Variants in SND1 observed in about 807,000 individuals in gnomAD.
SND1 encodes the protein staphylococcal nuclease and tudor domain containing 1, also known as staphylococcal nuclease domain-containing protein 1.
Under a neutral mutation model 121.7 loss-of-function variants are expected in SND1, and 38 were observed. The ratio of observed to expected loss-of-function variants is 0.31; its 90% CI spans 0.24 to 0.41. The LOEUF is 0.41. Ranked by LOEUF, SND1 falls within the 10% of genes least tolerant of loss-of-function variation. The pLI is 1.00. For missense variants in SND1, 868 were observed against 1,184.6 expected, an observed-to-expected ratio of 0.73 and a Z score of 3.92; for synonymous variants, 401 against 447.4, an observed-to-expected ratio of 0.90 and a Z score of 1.31.
intron 10 of SND1, among the ~76,000 whole-genome samples, chr7:127,749,316 T>C (rs1175397799): frequency 1.3e-5 from 2 of 152,196 alleles, no homozygotes; most frequent in African/African-American, 4.8e-5. Context: ...GATATACTTC[T>C]AGCCTTACGA....
chr7:128,089,944 C>A (rs1793750067), intron 22 of SND1: 1 of 477,064 alleles, frequency 2.1e-6, no homozygotes, highest in South Asian at 2.2e-5. Flanking sequence ...CCCCATGTAC[C>A]CCCAGGTGAC....
At chr7:127,912,845 C>T (rs1458021343) in intron 14 of SND1, among the ~76,000 whole-genome samples, 1 of 152,056 alleles carries the variant, frequency 6.6e-6, no homozygotes, top group Non-Finnish European at 1.5e-5. Flanking sequence ...TCCTCTGTAC[C>T]TGGAAACATG....
intron 1 of SND1, among the ~76,000 whole-genome samples, chr7:127,673,854 A>ATT (rs537931149): frequency 1.0e-3 from 153 of 152,156 alleles, no homozygotes; most frequent in African/African-American, 3.5e-3. Flanking sequence ...TGTCCCCATT[A>ATT]TTTGAGTACT....
At chr7:127,912,946 C>T (rs1563056007) in intron 14 of SND1, among the ~76,000 whole-genome samples, 1 of 152,200 alleles carries the variant, frequency 6.6e-6, no homozygotes, top group Non-Finnish European at 1.5e-5. Context: ...GGTTCCAAGT[C>T]TGTACCTTAC....
At chr7:127,680,351 C>T (rs550960515) in intron 1 of SND1, among the ~76,000 whole-genome samples, 1 of 152,152 alleles carries the variant, frequency 6.6e-6, no homozygotes, top group South Asian at 2.1e-4. Context: ...ACTGGTCTGA[C>T]CAAAATTTAT....
chr7:128,031,344 G>A (rs2116988734), intron 16 of SND1, among the ~76,000 whole-genome samples: 1 of 151,934 alleles, frequency 6.6e-6, no homozygotes, highest in Admixed American at 6.5e-5. Flanking sequence ...GGGAGTGCGG[G>A]GGCGCCCCGA....
intron 11 of SND1, among the ~76,000 whole-genome samples, chr7:127,840,458 T>A (rs919595562): frequency 6.6e-6 from 1 of 152,312 alleles, no homozygotes; most frequent in African/African-American, 2.4e-5. Flanking sequence ...CATGTATTCG[T>A]AAAATACTTG....
intron 10 of SND1, among the ~76,000 whole-genome samples, chr7:127,761,246 G>A (rs1008699468): frequency 2.0e-5 from 3 of 152,168 alleles, no homozygotes; most frequent in Non-Finnish European, 4.4e-5. Context: ...GTTTCTTTTT[G>A]TGTGAGGGTT....
At chr7:127,736,400 A>T (rs979224787) in intron 10 of SND1, among the ~76,000 whole-genome samples, 1 of 152,346 alleles carries the variant, frequency 6.6e-6, no homozygotes, top group Admixed American at 6.5e-5. Context: ...TTCCTGAAAC[A>T]TGATTTTTAA....
intron 1 of SND1, among the ~76,000 whole-genome samples, chr7:127,668,744 A>G (rs1795462421): frequency 6.6e-6 from 1 of 152,128 alleles, no homozygotes; most frequent in East Asian, 1.9e-4. Flanking sequence ...TTCTCTGCCA[A>G]ATGACAAGAG....
At chr7:127,722,433 C>A (rs1796512854) in intron 10 of SND1, among the ~76,000 whole-genome samples, 1 of 151,826 alleles carries the variant, frequency 6.6e-6, no homozygotes, top group Non-Finnish European at 1.5e-5. Flanking sequence ...GTCCTTCTGT[C>A]TCAGCCTCCT....
intron 3 of SND1, among the ~76,000 whole-genome samples, chr7:127,695,366 A>G: frequency 6.6e-6 from 1 of 152,044 alleles, no homozygotes; most frequent in Non-Finnish European, 1.5e-5. Flanking sequence ...AGATTTGTTG[A>G]GGGCCTGTGG....
At chr7:127,874,412 C>G (rs1253042053) in intron 12 of SND1, among the ~76,000 whole-genome samples, 1 of 152,064 alleles carries the variant, frequency 6.6e-6, no homozygotes, top group Non-Finnish European at 1.5e-5. Flanking sequence ...TTTTTTGTAT[C>G]AGGACCCTTT....
chr7:128,031,500 CACACA>C (rs1291521429), intron 16 of SND1: 1 of 151,584 alleles, frequency 6.6e-6, no homozygotes, highest in African/African-American at 2.4e-5. Flanking sequence ...CCTCCCCAGA[CACACA>C]CCCCCTTTCT....
intron 15 of SND1, among the ~76,000 whole-genome samples, chr7:127,973,973 G>A (rs1321014978): frequency 6.6e-6 from 1 of 152,246 alleles, no homozygotes; most frequent in Non-Finnish European, 1.5e-5. Context: ...TCAGGGGACA[G>A]GGAGGTTGAA....
At chr7:127,998,917 G>A (rs1256954976) in intron 16 of SND1, 2 of 152,280 alleles carry the variant, frequency 1.3e-5, no homozygotes, top group African/African-American at 4.8e-5. Context: ...GCTCCAGTGG[G>A]ATTCCTCTCT....
intron 10 of SND1, among the ~76,000 whole-genome samples, chr7:127,770,086 T>C (rs1330552336): frequency 1.3e-5 from 2 of 152,200 alleles, no homozygotes; most frequent in African/African-American, 2.4e-5. Flanking sequence ...CCGTCACCGG[T>C]GTGCAGGGTG....
At chr7:127,692,968 C>T (rs570929875) in intron 2 of SND1, among the ~76,000 whole-genome samples, 1 of 152,296 alleles carries the variant, frequency 6.6e-6, no homozygotes, top group African/African-American at 2.4e-5. Flanking sequence ...GTGAACTGAC[C>T]TTTTGTAAAA....
chr7:127,876,448 A>G (rs978316884), intron 12 of SND1, among the ~76,000 whole-genome samples: 1 of 152,152 alleles, frequency 6.6e-6, no homozygotes, highest in East Asian at 1.9e-4. Flanking sequence ...AGAGATTTTT[A>G]TACAGGAATG....
Sources: allele counts gnomAD v4.1 joint callset (sites outside exome capture counted in the v4.1 genomes callset), GRCh38; gene constraint gnomAD v4.1.1; transcripts MANE v1.5; gene names NCBI Gene and HGNC (gene_info 2026-07-23, HGNC 2026-07-21).